The following PPARGC1A variants were observed in gnomAD, a reference collection of about 807,000 sequenced individuals.
PPARGC1A encodes the protein PPARG coactivator 1 alpha.
A neutral mutation model predicts 88.7 loss-of-function variants in PPARGC1A; 25 were observed. The ratio of observed to expected loss-of-function variants is 0.28; its 90% CI spans 0.21 to 0.39. The LOEUF (loss-of-function observed/expected upper bound fraction) is 0.39. PPARGC1A is among the 10% of genes least tolerant of loss of function. The probability of loss-of-function intolerance (pLI) is 1.00; values close to 1 mark genes in which losing one functional copy is unlikely to be tolerated. For synonymous variants in PPARGC1A, 363 were observed against 355.6 expected, an observed-to-expected ratio of 1.02 and a Z score of -0.24; for missense variants, 880 against 968.7, an observed-to-expected ratio of 0.91 and a Z score of 1.22.
At chr4:24,424,258 C>CTTTTTTTTTTTTTTTTTT in the PPARGC1A span, among the ~76,000 whole-genome samples, 9 of 44,346 alleles carry the variant, frequency 2.0e-4, 2 homozygotes, top group African/African-American at 6.9e-4. Flanking sequence ...TATACACACA[C>CTTTTTTTTTTTTTTTTTT]TTTTTTTTTT....
At chr4:24,145,951 C>T in the PPARGC1A span, among the ~76,000 whole-genome samples, 1 of 152,190 alleles carries the variant, frequency 6.6e-6, no homozygotes, top group Admixed American at 6.5e-5. Flanking sequence ...AGAGGCAGGT[C>T]CCAGGAGTAT....
the PPARGC1A span, among the ~76,000 whole-genome samples, chr4:24,094,108 C>T: frequency 6.6e-6 from 1 of 152,148 alleles, no homozygotes; most frequent in African/African-American, 2.4e-5. Context: ...GCGGTGACTG[C>T]AGATGCGTGT....
At chr4:23,971,820 C>A in the PPARGC1A span, among the ~76,000 whole-genome samples, 1 of 152,162 alleles carries the variant, frequency 6.6e-6, no homozygotes, top group Non-Finnish European at 1.5e-5. Flanking sequence ...TCGGTATTAA[C>A]CATCACACCA....
chr4:23,846,972 T>G (rs1728433284), intron 2 of PPARGC1A, among the ~76,000 whole-genome samples: 1 of 152,194 alleles, frequency 6.6e-6, no homozygotes, highest in South Asian at 2.1e-4. Context: ...TACAGAGTAA[T>G]AGATGCTTGT....
At chr4:24,285,053 T>C in the PPARGC1A span, among the ~76,000 whole-genome samples, 1 of 149,816 alleles carries the variant, frequency 6.7e-6, no homozygotes, top group South Asian at 2.1e-4. Flanking sequence ...AAAGAAGAAG[T>C]TAAAAAAAAT....
chr4:24,268,155 A>G, the PPARGC1A span, among the ~76,000 whole-genome samples: 1 of 152,218 alleles, frequency 6.6e-6, no homozygotes, highest in Non-Finnish European at 1.5e-5. Context: ...TACATTTGTA[A>G]TCAAGCATAA....
At chr4:24,401,376 T>C in the PPARGC1A span, among the ~76,000 whole-genome samples, 17 of 152,274 alleles carry the variant, frequency 1.1e-4, no homozygotes, top group Non-Finnish European at 1.9e-4. Flanking sequence ...GTAATTATTA[T>C]GATGGTGCCA....
chr4:23,807,699 C>A (rs1221769307), intron 10 of PPARGC1A, among the ~76,000 whole-genome samples: 1 of 152,014 alleles, frequency 6.6e-6, no homozygotes, highest in Non-Finnish European at 1.5e-5. Context: ...ATGTATCCAT[C>A]ACCTCCAAAA....
At chr4:24,321,730 G>T in the PPARGC1A span, among the ~76,000 whole-genome samples, 2 of 152,200 alleles carry the variant, frequency 1.3e-5, no homozygotes, top group Non-Finnish European at 2.9e-5. Context: ...GATGATGGAC[G>T]TTGGTTGCTA....
the PPARGC1A span, among the ~76,000 whole-genome samples, chr4:23,912,851 G>T: frequency 6.6e-6 from 1 of 151,066 alleles, no homozygotes; most frequent in Admixed American, 6.6e-5. Context: ...TGCAGTGGCG[G>T]GATCTCTGCT....
chr4:24,288,395 G>A, the PPARGC1A span, among the ~76,000 whole-genome samples: 180 of 152,240 alleles, frequency 1.2e-3, no homozygotes, highest in African/African-American at 4.0e-3. Flanking sequence ...CCTTTACAGA[G>A]CTCCCTCAGG....
chr4:24,052,711 T>G, the PPARGC1A span, among the ~76,000 whole-genome samples: 1 of 152,040 alleles, frequency 6.6e-6, no homozygotes, highest in Non-Finnish European at 1.5e-5. Flanking sequence ...CATTTGCTCC[T>G]ATGTGGCCAA....
Position 23,802,137 on chromosome 4 carries a change from T to C in PPARGC1A, c.2141+87A>G, listed in dbSNP as rs1577332018. ...CATGTCATCTGTCAAAGCACTTACA[T>C]TGGCAACTCCCATCCCAGTAATCTT... On this transcript the variant is annotated intron_variant, in intron 11 of 12. Coordinates refer to ENST00000264867, the MANE Select transcript of PPARGC1A (RefSeq NM_013261.5). 8.9e-6 allele frequency: 14 copies of C among 1,566,636 alleles called. No individual in the cohort carries two copies. In the East Asian group the frequency reaches 9.0e-5, roughly 10 times the overall value.
At chr4:24,471,127 T>TA in the PPARGC1A span, among the ~76,000 whole-genome samples, 1 of 151,630 alleles carries the variant, frequency 6.6e-6, no homozygotes, top group Non-Finnish European at 1.5e-5. The surrounding 1 kb of genome is among the most constrained non-coding windows in gnomAD (Gnocchi z 5.4). Flanking sequence ...CGAGCCGGGC[T>TA]GAACGGAGCT....
the PPARGC1A span, among the ~76,000 whole-genome samples, chr4:24,414,880 T>C: frequency 6.6e-6 from 1 of 152,184 alleles, no homozygotes; most frequent in Non-Finnish European, 1.5e-5. Flanking sequence ...TATTGGTCTA[T>C]GAGGCTGACC....
the PPARGC1A span, among the ~76,000 whole-genome samples, chr4:24,204,803 C>G: frequency 2.0e-5 from 3 of 151,852 alleles, no homozygotes; most frequent in African/African-American, 7.3e-5. Context: ...ACCTAGAGAC[C>G]ATTCACGTTT....
At chr4:24,383,147 G>C in the PPARGC1A span, among the ~76,000 whole-genome samples, 23 of 152,134 alleles carry the variant, frequency 1.5e-4, no homozygotes, top group Non-Finnish European at 2.5e-4. Context: ...CTATTAGAAG[G>C]AAAACTAGCA....
At chr4:24,051,609 A>G in the PPARGC1A span, among the ~76,000 whole-genome samples, 1 of 152,194 alleles carries the variant, frequency 6.6e-6, no homozygotes, top group Non-Finnish European at 1.5e-5. Flanking sequence ...TCGCATCCAC[A>G]TTATCTGCTT....
the PPARGC1A span, among the ~76,000 whole-genome samples, chr4:24,058,720 T>G: frequency 1.3e-5 from 2 of 152,046 alleles, no homozygotes; most frequent in African/African-American, 4.8e-5. Context: ...GCAGAGTGGG[T>G]GGATCACCTG....
Sources: allele counts gnomAD v4.1 joint callset (sites outside exome capture counted in the v4.1 genomes callset), GRCh38; gene constraint gnomAD v4.1.1; non-coding constraint Gnocchi (gnomAD v3.1); transcripts MANE v1.5; gene names NCBI Gene and HGNC (gene_info 2026-07-23, HGNC 2026-07-21).